The following ANKH variants were observed in gnomAD, a reference collection of about 807,000 sequenced individuals.
ANKH encodes the protein ANKH inorganic pyrophosphate transport regulator.
A neutral mutation model predicts 49.0 loss-of-function variants in ANKH; 15 were observed. That is an observed-to-expected ratio of 0.31 (90% CI 0.20 to 0.47). The LOEUF is 0.47. Ranked by LOEUF, ANKH falls within the 20% of genes least tolerant of loss-of-function variation. The pLI, the probability that ANKH is intolerant of heterozygous loss-of-function variation, is 1.00. For synonymous variants in ANKH, 273 were observed against 260.0 expected (o/e 1.05, Z -0.48); for missense variants, 429 against 652.0 (o/e 0.66, Z 3.72).
chr5:14,742,141 C>T (rs950906542), intron 7 of ANKH, among the ~76,000 whole-genome samples: 4 of 152,192 alleles, frequency 2.6e-5, no homozygotes, highest in African/African-American at 7.2e-5. Flanking sequence ...CGACTCAATG[C>T]CCTGCAGCTC....
chr5:14,757,430 A>ATATATT (rs1379233165), intron 3 of ANKH, among the ~76,000 whole-genome samples: 7 of 113,800 alleles, frequency 6.2e-5, no homozygotes, highest in African/African-American at 2.0e-4. Context: ...ATATATATAT[A>ATATATT]TTTTTTTTTT....
intron 1 of ANKH, among the ~76,000 whole-genome samples, chr5:14,771,928 A>AC: frequency 7.4e-6 from 1 of 135,048 alleles, no homozygotes; most frequent in South Asian, 2.8e-4. Flanking sequence ...AAAGAAAAAA[A>AC]AAAAAAAAAA....
intron 1 of ANKH, among the ~76,000 whole-genome samples, chr5:14,858,207 T>C (rs1446714870): frequency 1.3e-5 from 2 of 152,154 alleles, no homozygotes; most frequent in Admixed American, 6.5e-5. Context: ...GGTGCACCTG[T>C]CACCTAAGCA....
intron 1 of ANKH, among the ~76,000 whole-genome samples, chr5:14,771,436 T>C (rs565235426): frequency 6.6e-6 from 1 of 152,300 alleles, no homozygotes; most frequent in East Asian, 1.9e-4. Context: ...TTACAAATGG[T>C]AGCAGCTCTC....
In ANKH at chr5:14,717,542, A is replaced by T. The variant is rs1036444935; in HGVS notation, c.1012-707T>A. ...GTCCTTCCAGAGACAGGGTGAAGGC[A>T]GGGTCCAGAGCAGGATGGCTGGAAG... On this transcript the variant is annotated intron_variant, in intron 8 of 11. Coordinates refer to ENST00000284268, the MANE Select transcript of ANKH (RefSeq NM_054027.6). 2.0e-5 allele frequency among the ~76,000 whole-genome samples: 3 copies of T among 152,212 alleles called. No individual in the cohort carries two copies. The South Asian group carries it at 6.2e-4, about 32-fold the overall frequency.
At chr5:14,830,533 G>GTGTC (rs1561074701) in intron 1 of ANKH, among the ~76,000 whole-genome samples, 1 of 151,684 alleles carries the variant, frequency 6.6e-6, no homozygotes, top group East Asian at 1.9e-4. Flanking sequence ...GTGTGTGTGT[G>GTGTC]TGTGTCTGTG....
intron 1 of ANKH, among the ~76,000 whole-genome samples, chr5:14,808,389 T>C (rs974695208): frequency 1.3e-5 from 2 of 152,218 alleles, no homozygotes; most frequent in African/African-American, 4.8e-5. Context: ...TTTGGGGATG[T>C]CTTTTGGCTT....
At position 14,797,628 on chromosome 5, in the gene ANKH, C is replaced by T. The variant is rs188994580; in HGVS notation, c.97-28437G>A. 34 of 1,603,200 alleles carry T rather than the reference C, an allele frequency of 2.1e-5. No homozygotes were observed. The African/African-American group carries it at 2.3e-4, about 11-fold the overall frequency. On this transcript the variant is annotated intron_variant, in intron 1 of 11. Transcript: ENST00000284268. ...GCTTGGTTTGGAAGTATTGTTTGAACGAGTATCCCAAATCATCAGTTTCTG... is the reference window on the plus strand; with the variant it reads ...GCTTGGTTTGGAAGTATTGTTTGAATGAGTATCCCAAATCATCAGTTTCTG...
At chr5:14,731,357 G>T (rs779201739) in intron 8 of ANKH, among the ~76,000 whole-genome samples, 1 of 152,176 alleles carries the variant, frequency 6.6e-6, no homozygotes, top group African/African-American at 2.4e-5. Flanking sequence ...AGGTCGGGAG[G>T]TGAAAGCCCA....
chr5:14,841,307 T>G (rs1227407699), intron 1 of ANKH, among the ~76,000 whole-genome samples: 1 of 152,012 alleles, frequency 6.6e-6, no homozygotes, highest in East Asian at 1.9e-4. Context: ...TTATTTTGTT[T>G]TTTTTTTTAG....
Position 14,716,794 on chromosome 5 carries a change from T to A in ANKH, c.1053A>T (p.Lys351Asn), listed in dbSNP as rs1203226509. 1 of 1,614,162 alleles carries A rather than the reference T, an allele frequency of 6.2e-7. No individual in the cohort carries two copies. Among genetic ancestry groups the A allele is most frequent in the East Asian group, 2.2e-5 (1 of 44,878 alleles). The change falls in exon 9 of 12, where the codon AAA becomes AAT. Residue 351 changes from lysine (K) to asparagine (N), a missense_variant. By Grantham distance (94) the Lys-to-Asn change is moderately conservative (BLOSUM62 0). Transcript: ENST00000284268. ...CCACTCCGATGATGTCTATCAAGAT[T>A]TTCTCAGACACGTTGGGTGTCCAAA... ...VMFWTPNVSEKILIDIIGVDF... is the reference protein window; with the variant it reads ...VMFWTPNVSENILIDIIGVDF...
At chr5:14,783,289 T>TACACACACACACACACACACAC (rs57904537) in intron 1 of ANKH, among the ~76,000 whole-genome samples, 1 of 144,530 alleles carries the variant, frequency 6.9e-6, no homozygotes, top group Non-Finnish European at 1.5e-5. Context: ...GCCACCATTC[T>TACACACACACACACACACACAC]ACACACACAC....
intron 1 of ANKH, among the ~76,000 whole-genome samples, chr5:14,857,670 A>G (rs993564425): frequency 6.6e-6 from 1 of 152,172 alleles, no homozygotes; most frequent in Admixed American, 6.5e-5. Flanking sequence ...AAGAAAAAGA[A>G]AAAAAAACTT....
At position 14,710,511 on chromosome 5, in the gene ANKH, T is replaced by C. The variant is rs1737129414; in HGVS notation, c.*686A>G. The C allele has an allele frequency of 6.5e-6, 1 of 154,630 alleles. No individual in the cohort carries two copies. Among genetic ancestry groups the C allele is most frequent in the African/African-American group, 2.4e-5 (1 of 41,454 alleles). The allele number at this position is 154,630 out of a possible 1,614,324, so 9.6% of individuals were successfully genotyped here. On this transcript the variant is annotated 3_prime_UTR_variant, in exon 12 of 12. Coordinates refer to ENST00000284268, the MANE Select transcript of ANKH (RefSeq NM_054027.6). ...AGAGTGAAATGCTATCATTCAACCATGTCAGTTTGCTGCCCCCGGGGCATT... is the reference window on the plus strand; with the variant it reads ...AGAGTGAAATGCTATCATTCAACCACGTCAGTTTGCTGCCCCCGGGGCATT...
In ANKH at chr5:14,836,802, C is replaced by T. The variant is rs531490394; in HGVS notation, c.96+34550G>A. Among the ~76,000 whole-genome samples, 300 of 152,288 alleles carry T rather than the reference C, an allele frequency of 2.0e-3. 1 individual carries two copies. The highest frequency in any genetic ancestry group is 6.8e-3 in the African/African-American group (281 of 41,564). ...TCATATGGAACCAAAAAAGAGCCCA[C>T]ATTGCCAAGACAATCCTAAGCCAAA... On this transcript the variant is annotated intron_variant, in intron 1 of 11. Transcript: ENST00000284268.
intron 2 of ANKH, among the ~76,000 whole-genome samples, chr5:14,767,652 A>G (rs1187487701): frequency 3.3e-5 from 5 of 152,216 alleles, no homozygotes; most frequent in Non-Finnish European, 7.3e-5. Context: ...TTTAGTCCCA[A>G]AGTTTCATCC....
At chr5:14,837,311 G>C (rs995243832) in intron 1 of ANKH, among the ~76,000 whole-genome samples, 24 of 152,122 alleles carry the variant, frequency 1.6e-4, no homozygotes, top group African/African-American at 5.1e-4. Flanking sequence ...CACAGCAAAA[G>C]AAACTACCAT....
intron 1 of ANKH, among the ~76,000 whole-genome samples, chr5:14,867,049 C>T (rs540112053): frequency 6.7e-6 from 1 of 148,538 alleles, no homozygotes; most frequent in African/African-American, 2.5e-5. Context: ...CCCCGCTACT[C>T]GGGGGACTGA....
chr5:14,753,035 G>A (rs1170915382), intron 4 of ANKH, among the ~76,000 whole-genome samples: 1 of 152,198 alleles, frequency 6.6e-6, no homozygotes, highest in Non-Finnish European at 1.5e-5. Context: ...CGAGAAAGCA[G>A]GGAACAGGTT....
Sources: gnomAD v4.1 joint callset for allele counts (sites outside exome capture counted in the v4.1 genomes callset) on GRCh38, gnomAD v4.1.1 for gene constraint, MANE v1.5 for transcripts, NCBI Gene and HGNC (gene_info 2026-07-23, HGNC 2026-07-21) for gene names.